PSD3: variants seen among roughly 807,000 people sequenced by gnomAD.
The protein encoded by PSD3 is PH and SEC7 domain-containing protein 3.
In PSD3, 49 loss-of-function variants were observed where a neutral mutation model predicts 105.5. The ratio of observed to expected loss-of-function variants is 0.46; its 90% confidence interval spans 0.37 to 0.59. The LOEUF is 0.59. Among genes scored for constraint, PSD3 ranks in the 20% least tolerant of loss-of-function variants. The pLI is 0.00. For synonymous variants in PSD3, 557 were observed against 457.8 expected (o/e 1.22, Z -2.77); for missense variants, 1,561 against 1,263.8 (o/e 1.24, Z -3.57).
intron 1 of PSD3, among the ~76,000 whole-genome samples, chr8:18,947,002 A>G (rs746370636): frequency 5.4e-4 from 82 of 151,968 alleles, no homozygotes; most frequent in Non-Finnish European, 9.6e-4. Context: ...ACCTGCACAT[A>G]AACAAATGGG....
At chr8:18,830,432 TACA>T (rs1162589001) in intron 4 of PSD3, among the ~76,000 whole-genome samples, 1 of 152,206 alleles carries the variant, frequency 6.6e-6, no homozygotes, top group Non-Finnish European at 1.5e-5. Context: ...ACTCTTGCCT[TACA>T]ACAAGTTTTA....
intron 4 of PSD3, among the ~76,000 whole-genome samples, chr8:18,866,159 C>A (rs1482336286): frequency 6.6e-6 from 1 of 152,218 alleles, no homozygotes; most frequent in Non-Finnish European, 1.5e-5. Flanking sequence ...TATCTGCATA[C>A]CTTTCCTACA....
intron 1 of PSD3, among the ~76,000 whole-genome samples, chr8:19,070,357 G>C (rs535664756): frequency 8.3e-6 from 1 of 120,692 alleles, no homozygotes; most frequent in South Asian, 3.0e-4. Context: ...TATTGTATTA[G>C]TATGTCATGT....
intron 12 of PSD3, among the ~76,000 whole-genome samples, chr8:18,582,935 C>T (rs1448965618): frequency 6.6e-6 from 1 of 150,810 alleles, no homozygotes; most frequent in South Asian, 2.1e-4. Flanking sequence ...AAGCAATTCT[C>T]CTGCCTCAGA....
intron 11 of PSD3, among the ~76,000 whole-genome samples, chr8:18,611,537 G>A (rs1805263668): frequency 6.6e-6 from 1 of 151,958 alleles, no homozygotes; most frequent in Non-Finnish European, 1.5e-5. Context: ...CTTTCTTCCT[G>A]TATAAAACAG....
intron 2 of PSD3, among the ~76,000 whole-genome samples, chr8:18,873,780 A>G (rs1362734097): frequency 1.3e-5 from 2 of 152,190 alleles, no homozygotes; most frequent in East Asian, 3.8e-4. Context: ...TCTGCTTCCA[A>G]GAGCTCAACA....
At chr8:19,023,173 C>A (rs1586638956) in intron 1 of PSD3, among the ~76,000 whole-genome samples, 1 of 152,190 alleles carries the variant, frequency 6.6e-6, no homozygotes, top group Admixed American at 6.5e-5. Context: ...CCATCCACAT[C>A]TAGCTCAATC....
intron 4 of PSD3, among the ~76,000 whole-genome samples, chr8:18,832,243 A>T (rs1010923124): frequency 6.6e-6 from 1 of 152,216 alleles, no homozygotes; most frequent in Non-Finnish European, 1.5e-5. Flanking sequence ...AAATTAAAGG[A>T]TAAAAGTATA....
chr8:18,707,429 G>T (rs1801968582), intron 9 of PSD3, among the ~76,000 whole-genome samples: 1 of 152,196 alleles, frequency 6.6e-6, no homozygotes, highest in South Asian at 2.1e-4. Context: ...CTTCAGGGCA[G>T]GGCTTATCCT....
At chr8:18,767,996 C>A (rs1198258664) in intron 8 of PSD3, among the ~76,000 whole-genome samples, 1 of 150,662 alleles carries the variant, frequency 6.6e-6, no homozygotes, top group African/African-American at 2.4e-5. Context: ...AGAGGCCGGG[C>A]GCGGTGGCTC....
chr8:18,586,976 A>G (rs1803237057), intron 12 of PSD3, among the ~76,000 whole-genome samples: 1 of 152,184 alleles, frequency 6.6e-6, no homozygotes, highest in Non-Finnish European at 1.5e-5. Flanking sequence ...TCTCTGGCAA[A>G]GCCCCTGTTA....
intron 12 of PSD3, among the ~76,000 whole-genome samples, chr8:18,583,668 T>A (rs1160437854): frequency 6.6e-6 from 1 of 152,162 alleles, no homozygotes; most frequent in East Asian, 1.9e-4. Context: ...GGGTTAGATA[T>A]CACTTTCTTC....
chr8:18,540,271 G>A (rs1306898793), intron 15 of PSD3, among the ~76,000 whole-genome samples: 2 of 152,134 alleles, frequency 1.3e-5, no homozygotes, highest in African/African-American at 2.4e-5. Flanking sequence ...TACACTTAAC[G>A]GATGACTGTA....
chr8:18,533,475 A>G lies in PSD3; in HGVS notation c.*2268T>C, dbSNP rs1338756502. ...TGACTCATATGACACGGACAGTGCT[A>G]TAGTGGTGCTGATGCTAGCCGAGTA... On this transcript the variant is annotated 3_prime_UTR_variant, in exon 16 of 16. Coordinates refer to ENST00000327040, the MANE Select transcript of PSD3 (RefSeq NM_015310.4). 1 of 152,234 alleles carries G rather than the reference A, an allele frequency of 6.6e-6. No individual in the cohort carries two copies. 9.4% of individuals were successfully genotyped at this position (152,234 alleles called of 1,614,324 possible).
At chr8:18,554,666 C>G (rs542353683) in intron 15 of PSD3, among the ~76,000 whole-genome samples, 1 of 152,116 alleles carries the variant, frequency 6.6e-6, no homozygotes, top group South Asian at 2.1e-4. Context: ...CATAGCAAGG[C>G]CTGGAAATGA....
rs551294369 is a variant in PSD3 at position 18,617,681 on chromosome 8, AG to A, written c.2410+14931del. 3.5e-3 allele frequency among the ~76,000 whole-genome samples: 533 copies of A among 152,314 alleles called. 5 individuals carry two copies. The highest frequency in any genetic ancestry group is 0.012 in the African/African-American group (514 of 41,560). ...AAAACCAGTTTAGGACATGACAGAA[AG>A]GGGGTGTTGGACATGCCTCATTATG... On this transcript the variant is annotated intron_variant, in intron 11 of 15. Coordinates refer to ENST00000327040, the MANE Select transcript of PSD3 (RefSeq NM_015310.4).
At chr8:19,041,627 C>A (rs1470434837) in intron 1 of PSD3, among the ~76,000 whole-genome samples, 1 of 152,202 alleles carries the variant, frequency 6.6e-6, no homozygotes, top group Non-Finnish European at 1.5e-5. Context: ...GGGTTATCCA[C>A]AAAGACGGCT....
intron 1 of PSD3, among the ~76,000 whole-genome samples, chr8:18,967,381 C>T (rs1183083060): frequency 1.3e-5 from 2 of 152,032 alleles, no homozygotes; most frequent in African/African-American, 4.8e-5. Context: ...TCTCAAACTC[C>T]CGATCTAAGG....
intron 1 of PSD3, among the ~76,000 whole-genome samples, chr8:18,965,077 CAATT>C (rs1824156685): frequency 6.6e-6 from 1 of 152,146 alleles, no homozygotes; most frequent in Non-Finnish European, 1.5e-5. Flanking sequence ...AATATGCTAA[CAATT>C]AAGCATTATA....
Sources: allele counts gnomAD v4.1 joint callset (sites outside exome capture counted in the v4.1 genomes callset), GRCh38; gene constraint gnomAD v4.1.1; transcripts MANE v1.5; gene names NCBI Gene and HGNC (gene_info 2026-07-23, HGNC 2026-07-21).